The following SLC27A3 variants were observed in gnomAD, a reference collection of about 807,000 sequenced individuals.
SLC27A3 encodes long-chain fatty acid transport protein 3.
Under a neutral mutation model 60.1 loss-of-function variants are expected in SLC27A3, and 60 were observed. The observed-to-expected ratio is 1.00, with a 90% CI of 0.81 to 1.24. The LOEUF is 1.24. Ranked by LOEUF, SLC27A3 falls within the 50% of genes most tolerant of loss-of-function variation. The pLI, the probability that SLC27A3 is intolerant of heterozygous loss-of-function variation, is 0.00. For missense variants in SLC27A3, 1,079 were observed against 929.9 expected, an observed-to-expected ratio of 1.16 and a Z score of -2.09; for synonymous variants, 455 against 409.0, an observed-to-expected ratio of 1.11 and a Z score of -1.36.
At chr1:153,779,620 G>A (rs913924649) in intron 9 of SLC27A3, 147 bp downstream of exon 9, 74 of 1,029,936 alleles carry the variant, frequency 7.2e-5, no homozygotes, top group South Asian at 3.1e-4. Context: ...GAAAAAACAC[G>A]GAGACACAAG....
Position 153,778,782 on chromosome 1 carries a change from G to C in SLC27A3, c.1543G>C (p.Asp515His). 6.2e-7 allele frequency: 1 copy of C among 1,614,118 alleles called. No individual in the cohort carries two copies. Among genetic ancestry groups the C allele is most frequent in the Non-Finnish European group, 8.5e-7 (1 of 1,180,018 alleles). The change falls in exon 7 of 10, where the codon GAT becomes CAT. Residue 515 changes from aspartate (D) to histidine (H), a missense_variant. By Grantham distance (81) the Asp-to-His change is moderately conservative. Coordinates refer to ENST00000624995, the MANE Select transcript of SLC27A3 (RefSeq NM_024330.4). ...PELAQGKLLK[D>H]VFRPGDVFFN... is the part of the protein sequence containing the mutation. Reference sequence around the variant, plus strand: ...GCTGGCCCAGGGGAAGTTGCTAAAGGATGTCTTCCGGCCTGGGGATGTTTT... The same window carrying C: ...GCTGGCCCAGGGGAAGTTGCTAAAGCATGTCTTCCGGCCTGGGGATGTTTT...
At position 153,778,526 on chromosome 1, in the gene SLC27A3, CA is replaced by C. The variant is rs753001506; in HGVS notation, c.1421del (p.Gln474ArgfsTer19). 1 of 1,614,036 alleles carries C rather than the reference CA, an allele frequency of 6.2e-7. No individual in the cohort carries two copies. Among genetic ancestry groups the C allele is most frequent in the African/African-American group, 1.3e-5 (1 of 74,890 alleles). On this transcript the variant is annotated frameshift_variant, in exon 6 of 10. Transcript: ENST00000624995. LOFTEE classifies it high-confidence loss of function. ...VTTGEPIRDP[Q>X]GHCMATSPGE... Reference sequence around the variant, plus strand: ...CACAGGAGAGCCAATTCGGGACCCCCAGGGGCACTGTATGGCCACATCTCCA... The same window carrying C: ...CACAGGAGAGCCAATTCGGGACCCCCGGGGCACTGTATGGCCACATCTCCA...
At position 153,779,467 on chromosome 1, in the gene SLC27A3, G is replaced by C. The variant is rs367786493; in HGVS notation, c.1869G>C (p.Arg623Ser). 1.2e-6 allele frequency: 2 copies of C among 1,612,624 alleles called. No individual in the cohort carries two copies. Among genetic ancestry groups the C allele is most frequent in the African/African-American group, 2.7e-5 (2 of 74,794 alleles). The change falls in exon 9 of 10, where the codon AGG becomes AGC. Residue 623 changes from arginine (R) to serine (S), a missense_variant. Arg to Ser is a moderately radical substitution (Grantham distance 110). Transcript: ENST00000624995. Reference sequence around the variant, plus strand: ...CTTATGCCCGGCCCCGATTCCTCAGGCTCCAGGTAACCGGCCACTTCCCCC... The same window carrying C: ...CTTATGCCCGGCCCCGATTCCTCAGCCTCCAGGTAACCGGCCACTTCCCCC... ...LPPYARPRFL[R>S]LQESLATTET...
intron 9 of SLC27A3, 93 bp from the exon 10 acceptor site, chr1:153,779,733 C>A: frequency 7.8e-7 from 1 of 1,287,628 alleles, no homozygotes; most frequent in South Asian, 1.4e-5. Context: ...CTCCCTTTCC[C>A]AAGACTTGCT....
At position 153,778,883 on chromosome 1, in the gene SLC27A3, C is replaced by G. The variant is rs762166253; in HGVS notation, c.1644C>G (p.Phe548Leu). The stretch of plus-strand genomic sequence containing the variant: ...TCCATGATCGTACTGGAGACACCTT[C>G]AGGTATCTGTCCATAACTGGTTTTT... The part of the protein sequence containing the change: ...LRFHDRTGDT[F>L]RWKGENVATT... The change falls in exon 7 of 10, where the codon TTC (phenylalanine) becomes TTG (leucine). Residue 548 changes from phenylalanine (F) to leucine (L), a missense_variant and splice_region_variant. Phe to Leu is a conservative substitution (Grantham distance 22). Transcript: ENST00000624995. 19 of 1,613,670 alleles carry G rather than the reference C, an allele frequency of 1.2e-5. No individual in the cohort carries two copies. Among genetic ancestry groups the G allele is most frequent in the Non-Finnish European group, 1.6e-5 (19 of 1,179,652 alleles).
In SLC27A3 at chr1:153,778,391, C is replaced by T. The variant is rs375368235; in HGVS notation, c.1356+36C>T. The T allele has an allele frequency of 1.6e-5, 26 of 1,613,632 alleles. No homozygotes were observed. In the African/African-American group the frequency reaches 2.4e-4, roughly 15 times the overall value. Reference sequence around the variant, plus strand: ...GAGAGGAAACTGAAAACCCGTGGAACAGCAGAGGGCTGGCAGGAGAGGGGG... The same window carrying T: ...GAGAGGAAACTGAAAACCCGTGGAATAGCAGAGGGCTGGCAGGAGAGGGGG... On this transcript the variant is annotated intron_variant, in intron 5 of 9. Transcript: ENST00000624995.
At position 153,779,496 on chromosome 1, in the gene SLC27A3, G is replaced by A. The variant is rs191967262; in HGVS notation, c.1875+23G>A. ...CAGGTAACCGGCCACTTCCCCCGCCGGCCCCTCACCCCATATATCCTCACC... is the reference window on the plus strand; with the variant it reads ...CAGGTAACCGGCCACTTCCCCCGCCAGCCCCTCACCCCATATATCCTCACC... On this transcript the variant is annotated intron_variant, in intron 9 of 9. Coordinates refer to ENST00000624995, the MANE Select transcript of SLC27A3 (RefSeq NM_024330.4). 813 of 1,604,146 alleles carry A rather than the reference G, an allele frequency of 5.1e-4. 3 individuals carry two copies. The highest frequency in any genetic ancestry group is 5.4e-4 in the Admixed American group (32 of 59,566).
In SLC27A3 at chr1:153,778,229, G is replaced by T; in HGVS notation, c.1230G>T (p.Glu410Asp). The change falls in exon 5 of 10, where the codon GAG (glutamate) becomes GAT (aspartate). Residue 410 changes from glutamate (E) to aspartate (D), a missense_variant. Glu to Asp is a conservative substitution (Grantham distance 45, BLOSUM62 2). Coordinates refer to ENST00000624995, the MANE Select transcript of SLC27A3 (RefSeq NM_024330.4). Reference protein sequence around the residue: ...VGSGLRPDTWERFVRRFGPLQ... With the variant: ...VGSGLRPDTWDRFVRRFGPLQ... ...GCGGGCTGCGCCCAGATACCTGGGA[G>T]CGTTTTGTGCGGCGCTTCGGGCCCC... 1 of 1,613,854 alleles carries T rather than the reference G, an allele frequency of 6.2e-7. No homozygotes were observed. The highest frequency in any genetic ancestry group is 8.5e-7 in the Non-Finnish European group (1 of 1,180,046).
At chr1:153,778,030 G>A (rs1673321802) in intron 4 of SLC27A3, 131 bp from the exon 5 acceptor site, 2 of 1,466,190 alleles carry the variant, frequency 1.4e-6, no homozygotes, top group East Asian at 2.3e-5. Flanking sequence ...GATGGCCTAG[G>A]CCATCTGATG....
chr1:153,780,063 G>A lies in SLC27A3; in HGVS notation c.*61G>A. 9 of 1,459,360 alleles carry A rather than the reference G, an allele frequency of 6.2e-6. No homozygotes were observed. The South Asian group carries it at 8.6e-5, about 14-fold the overall frequency. 90.4% of individuals were successfully genotyped at this position (1,459,360 alleles called of 1,614,324 possible). On this transcript the variant is annotated 3_prime_UTR_variant, in exon 10 of 10. Coordinates refer to ENST00000624995, the MANE Select transcript of SLC27A3 (RefSeq NM_024330.4). Reference sequence around the variant, plus strand: ...CTGTGGGGTGGGGGCCGTTGCAGGTGTACTGGGCTGTCAGGGATCTTTTCT... The same window carrying A: ...CTGTGGGGTGGGGGCCGTTGCAGGTATACTGGGCTGTCAGGGATCTTTTCT...
rs1287139179 is a variant in SLC27A3, at chr1:153,775,822, C to T, written c.325C>T (p.Arg109Cys). ...ESNRAARAFL[R>C]ALGWDWGPDG... is the part of the protein sequence containing the mutation. ...TAACAGGGCTGCACGCGCCTTCCTA[C>T]GTGCGCTAGGCTGGGACTGGGGACC... Residue 109 changes from arginine (R) to cysteine (C), a missense_variant, in exon 1 of 10, where the codon CGT becomes TGT. Arg to Cys is a radical substitution (Grantham distance 180). Coordinates refer to ENST00000624995, the MANE Select transcript of SLC27A3 (RefSeq NM_024330.4). 4 of 1,495,672 alleles carry T rather than the reference C, an allele frequency of 2.7e-6. No individual in the cohort carries two copies. Among genetic ancestry groups the T allele is most frequent in the Non-Finnish European group, 3.5e-6 (4 of 1,126,894 alleles). 92.7% of individuals were successfully genotyped at this position (1,495,672 alleles called of 1,614,324 possible). A position where few individuals can be genotyped will look rare whatever the true frequency, so the allele number is the denominator to read the frequency against.
Position 153,778,723 on chromosome 1 carries a change from A to G in SLC27A3, c.1484A>G (p.Gln495Arg), listed in dbSNP as rs1673370190. Residue 495 changes from glutamine to arginine, a missense_variant, in exon 7 of 10, where the codon CAG (glutamine) becomes CGG (arginine). Gln to Arg is a conservative substitution (Grantham distance 43). Coordinates refer to ENST00000624995, the MANE Select transcript of SLC27A3 (RefSeq NM_024330.4). ...CTGCTGGTGGCCCCGGTAAGCCAGC[A>G]GTCCCCATTCCTGGGCTATGCTGGC... ...PGLLVAPVSQQSPFLGYAGGP... is the reference protein window; with the variant it reads ...PGLLVAPVSQRSPFLGYAGGP... The G allele has an allele frequency of 6.2e-7, 1 of 1,613,548 alleles. No individual in the cohort carries two copies. The highest frequency in any genetic ancestry group is 1.3e-5 in the African/African-American group (1 of 75,044).
rs747409588 is a variant in SLC27A3, at chr1:153,776,698, G to T, written c.848G>T (p.Cys283Phe). 1.2e-6 allele frequency: 2 copies of T among 1,613,986 alleles called. No homozygotes were observed. Among genetic ancestry groups the T allele is most frequent in the African/African-American group, 2.7e-5 (2 of 74,912 alleles). Residue 283 changes from cysteine (C) to phenylalanine (F), a missense_variant, in exon 2 of 10, where the codon TGC (cysteine) becomes TTC (phenylalanine). Physicochemically the swap from Cys to Phe is radical, Grantham distance 205 (BLOSUM62 -2). Coordinates refer to ENST00000624995, the MANE Select transcript of SLC27A3 (RefSeq NM_024330.4). ...TCCCCCCAGAGCATAACAGACACGT[G>T]CCTGTACATCTTCACCTCTGGCACC... is the stretch of plus-strand genomic sequence containing the variant. The part of the protein sequence containing the change: ...LSSPQSITDT[C>F]LYIFTSGTTG...
intron 2 of SLC27A3, 84 bp downstream of exon 2, chr1:153,776,811 C>T: frequency 3.0e-6 from 4 of 1,326,064 alleles, no homozygotes; most frequent in African/African-American, 1.5e-5. Flanking sequence ...CCTTCAAAGC[C>T]CCCAGAGAGG....
In SLC27A3 at chr1:153,778,189, G is replaced by A. The variant is rs141932545; in HGVS notation, c.1190G>A (p.Arg397Gln). ...AAGGCAGAACGTGGCCATAAGGTCCGGCTGGCAGTGGGCAGCGGGCTGCGC... is the reference window on the plus strand; with the variant it reads ...AAGGCAGAACGTGGCCATAAGGTCCAGCTGGCAGTGGGCAGCGGGCTGCGC... ...PSKAERGHKV[R>Q]LAVGSGLRPD... The change falls in exon 5 of 10, where the codon CGG becomes CAG. Residue 397 changes from arginine (R) to glutamine (Q), a missense_variant. Coordinates refer to ENST00000624995, the MANE Select transcript of SLC27A3 (RefSeq NM_024330.4). 320 of 1,611,712 alleles carry A rather than the reference G, an allele frequency of 2.0e-4. 3 individuals carry two copies. In the East Asian group the frequency reaches 4.9e-3, roughly 25 times the overall value.
intron 2 of SLC27A3, 131 bp from the exon 3 acceptor site, chr1:153,776,931 G>C (rs1187642108): frequency 2.0e-5 from 22 of 1,096,282 alleles, no homozygotes; most frequent in Non-Finnish European, 2.8e-5. Flanking sequence ...TTCCAGGACA[G>C]CCTGGTCTCG....
At chr1:153,776,473 T>A in intron 1 of SLC27A3, 45 bp from the exon 2 acceptor site, 1 of 1,531,604 alleles carries the variant, frequency 6.5e-7, no homozygotes, top group Non-Finnish European at 8.9e-7. Flanking sequence ...TAGGCTCTTC[T>A]AGGTAGAGCC....
chr1:153,779,582 AC>A (rs1262865643), intron 9 of SLC27A3, 109 bp downstream of exon 9: 6 of 1,299,872 alleles, frequency 4.6e-6, no homozygotes, highest in Non-Finnish European at 6.4e-6. Flanking sequence ...CCACAAAGGG[AC>A]CCCCAACGTA....
At chr1:153,777,505 A>G in intron 3 of SLC27A3, 1 of 613,696 alleles carries the variant, frequency 1.6e-6, no homozygotes, top group Non-Finnish European at 2.9e-6. Flanking sequence ...AGAGAGAGAC[A>G]AGGAAGTGAG....
Sources: gnomAD v4.1 joint callset for allele counts on GRCh38, gnomAD v4.1.1 for gene constraint, MANE v1.5 for transcripts, NCBI Gene and HGNC (gene_info 2026-07-23, HGNC 2026-07-21) for gene names.